The following CDH8 variants were observed in gnomAD, a reference collection of about 807,000 sequenced individuals.
The protein encoded by CDH8 is cadherin 8, also known as cadherin-8.
In CDH8, 17 loss-of-function variants were observed where a neutral mutation model predicts 68.1. That is an observed-to-expected ratio of 0.25 (90% CI 0.17 to 0.37). The LOEUF is 0.37. Among genes scored for constraint, CDH8 ranks in the 10% least tolerant of loss-of-function variants. The pLI is 1.00. For synonymous variants in CDH8, 372 were observed against 365.1 expected, an observed-to-expected ratio of 1.02 and a Z score of -0.21; for missense variants, 763 against 999.3, an observed-to-expected ratio of 0.76 and a Z score of 3.19.
chr16:62,032,145 A>G (rs1902342316), intron 1 of CDH8: 1 of 152,206 alleles, frequency 6.6e-6, no homozygotes, highest in Admixed American at 6.5e-5. Context: ...CTGGAGGGGA[A>G]TTCCCAGCGC....
intron 8 of CDH8, among the ~76,000 whole-genome samples, chr16:61,770,779 T>C (rs59090332): frequency 0.075 from 11,467 of 151,966 alleles, 494 homozygotes; most frequent in South Asian, 0.096. Context: ...ACAATGTAAC[T>C]GTAGTTCAAA....
At chr16:61,943,178 C>A (rs1013059723) in intron 2 of CDH8, among the ~76,000 whole-genome samples, 3 of 152,182 alleles carry the variant, frequency 2.0e-5, no homozygotes, top group African/African-American at 7.2e-5. Flanking sequence ...GTTTCATCTT[C>A]TGTATTTCCT....
chr16:61,867,391 T>C (rs1369518605), intron 3 of CDH8, among the ~76,000 whole-genome samples: 1 of 152,054 alleles, frequency 6.6e-6, no homozygotes, highest in Non-Finnish European at 1.5e-5. Flanking sequence ...AGAGCCAAAA[T>C]GGAACAATTA....
intron 8 of CDH8, among the ~76,000 whole-genome samples, chr16:61,760,756 C>T (rs1057209399): frequency 1.8e-4 from 27 of 152,078 alleles, no homozygotes; most frequent in African/African-American, 6.0e-4. Flanking sequence ...ATAGTGTAAA[C>T]ATAATTACAT....
At chr16:61,736,278 G>C (rs1959684057) in intron 8 of CDH8, among the ~76,000 whole-genome samples, 1 of 152,122 alleles carries the variant, frequency 6.6e-6, no homozygotes, top group Non-Finnish European at 1.5e-5. Context: ...GGACTATCCT[G>C]AGATAAGGCC....
chr16:61,960,240 T>C lies in CDH8; in HGVS notation c.253-58767A>G, dbSNP rs1323497525. Among the ~76,000 whole-genome samples the C allele has an allele frequency of 2.1e-4, 8 of 38,106 alleles. 3 individuals carry two copies. Among genetic ancestry groups the C allele is most frequent in the Admixed American group, 1.7e-3 (7 of 4,054 alleles). 25.0% of individuals were successfully genotyped at this position (38,106 alleles called of 152,430 possible). A position where few individuals can be genotyped will look rare whatever the true frequency, so the allele number is the denominator to read the frequency against. On this transcript the variant is annotated intron_variant, in intron 2 of 11. Coordinates refer to ENST00000577390, the MANE Select transcript of CDH8 (RefSeq NM_001796.5). ...GTGTGTGTATACACACATATATACATGTGTGTGTGTATACACATACATATA... is the reference window on the plus strand; with the variant it reads ...GTGTGTGTATACACACATATATACACGTGTGTGTGTATACACATACATATA...
chr16:61,948,951 T>C (rs927803583), intron 2 of CDH8, among the ~76,000 whole-genome samples: 1 of 152,178 alleles, frequency 6.6e-6, no homozygotes, highest in Admixed American at 6.5e-5. Context: ...ATCAAAAGTG[T>C]TTAAATGCAT....
intron 8 of CDH8, among the ~76,000 whole-genome samples, chr16:61,754,722 T>A (rs995392226): frequency 2.6e-5 from 4 of 152,186 alleles, no homozygotes; most frequent in Non-Finnish European, 4.4e-5. Context: ...ACTTTAATAA[T>A]GAATACTAAA....
At chr16:62,022,864 C>G (rs1038716055) in intron 1 of CDH8, among the ~76,000 whole-genome samples, 1 of 152,146 alleles carries the variant, frequency 6.6e-6, no homozygotes, top group Non-Finnish European at 1.5e-5. Flanking sequence ...TAGAATCACC[C>G]TGCTTGTCAT....
chr16:61,663,509 G>A (rs1232580232), intron 10 of CDH8, among the ~76,000 whole-genome samples: 1 of 151,786 alleles, frequency 6.6e-6, no homozygotes, highest in Non-Finnish European at 1.5e-5. Flanking sequence ...AGCCCCTTGA[G>A]GCCGACTTGC....
chr16:61,759,422 A>G (rs577925598), intron 8 of CDH8, among the ~76,000 whole-genome samples: 1 of 152,086 alleles, frequency 6.6e-6, no homozygotes, highest in South Asian at 2.1e-4. Flanking sequence ...AAGTAATAGT[A>G]GTAGTATAGC....
At chr16:61,788,060 C>A (rs1961277754) in intron 8 of CDH8, among the ~76,000 whole-genome samples, 2 of 149,484 alleles carry the variant, frequency 1.3e-5, no homozygotes, top group South Asian at 2.1e-4. Flanking sequence ...GCACAATGTG[C>A]ACATGTACCC....
intron 8 of CDH8, among the ~76,000 whole-genome samples, chr16:61,777,589 C>G (rs945419408): frequency 6.6e-6 from 1 of 152,052 alleles, no homozygotes; most frequent in Non-Finnish European, 1.5e-5. Context: ...CGTGTTCTTT[C>G]TTAGACTGGA....
chr16:61,944,429 T>C (rs925716988), intron 2 of CDH8, among the ~76,000 whole-genome samples: 1 of 152,112 alleles, frequency 6.6e-6, no homozygotes, highest in African/African-American at 2.4e-5. Context: ...CTGGGGGAGG[T>C]GGCATTGCCT....
At chr16:61,997,601 C>T (rs1056925361) in intron 2 of CDH8, among the ~76,000 whole-genome samples, 1 of 152,112 alleles carries the variant, frequency 6.6e-6, no homozygotes, top group Non-Finnish European at 1.5e-5. Context: ...CCACAAATTA[C>T]TTATTAATAA....
chr16:61,900,678 A>G (rs12448255), intron 3 of CDH8, among the ~76,000 whole-genome samples: 42,341 of 152,130 alleles, frequency 0.28, 6,027 homozygotes, highest in South Asian at 0.32. Flanking sequence ...ACACAAATAC[A>G]GAGGCCCTTG....
intron 2 of CDH8, among the ~76,000 whole-genome samples, chr16:61,905,389 A>G (rs1964044768): frequency 6.6e-6 from 1 of 152,106 alleles, no homozygotes; most frequent in Non-Finnish European, 1.5e-5. Context: ...AGAGCCATTA[A>G]TATATTAATA....
intron 3 of CDH8, among the ~76,000 whole-genome samples, chr16:61,874,015 C>T (rs1362248460): frequency 6.6e-6 from 1 of 152,014 alleles, no homozygotes; most frequent in African/African-American, 2.4e-5. Context: ...AAGATCACAC[C>T]ATTGCTCTCC....
At chr16:61,820,377 G>A (rs1351260056) in intron 6 of CDH8, among the ~76,000 whole-genome samples, 1 of 140,090 alleles carries the variant, frequency 7.1e-6, no homozygotes, top group Non-Finnish European at 1.5e-5. Flanking sequence ...TAAGGACTTG[G>A]GAAGCTTCAG....
Sources: allele counts gnomAD v4.1 joint callset (sites outside exome capture counted in the v4.1 genomes callset), GRCh38; gene constraint gnomAD v4.1.1; transcripts MANE v1.5; gene names NCBI Gene and HGNC (gene_info 2026-07-23, HGNC 2026-07-21).